The following TENM3 variants were observed in gnomAD, a reference collection of about 807,000 sequenced individuals.
TENM3 encodes the protein teneurin-3.
TENM3 carries 63 observed loss-of-function variants against 255.1 expected under a neutral mutation model. That is an observed-to-expected ratio of 0.25 (90% CI 0.20 to 0.30). The LOEUF is 0.30. Ranked by LOEUF, TENM3 falls within the 10% of genes least tolerant of loss-of-function variation. TENM3 has a pLI of 1.00. For synonymous variants in TENM3, 1,306 were observed against 1,322.3 expected (o/e 0.99, Z 0.27); for missense variants, 2,929 against 3,461.1 (o/e 0.85, Z 3.86).
chr4:181,672,784 A>G, the TENM3 span, among the ~76,000 whole-genome samples: 3 of 152,148 alleles, frequency 2.0e-5, no homozygotes, highest in African/African-American at 7.2e-5. Context: ...AGTATAATCA[A>G]TCTTCAAAAT....
At chr4:182,161,690 A>AAT (rs1466127382) in intron 1 of TENM3, among the ~76,000 whole-genome samples, 4 of 103,614 alleles carry the variant, frequency 3.9e-5, no homozygotes, top group East Asian at 5.1e-4. Flanking sequence ...TATATACACA[A>AAT]ATATATATGT....
chr4:182,737,330 C>T (rs1202348155), intron 17 of TENM3, among the ~76,000 whole-genome samples: 1 of 152,174 alleles, frequency 6.6e-6, no homozygotes, highest in Non-Finnish European at 1.5e-5. Flanking sequence ...GAGGTTTCAG[C>T]TTGTCACATC....
chr4:182,774,846 ATCTC>A, intron 23 of TENM3, 68 bp from the exon 24 acceptor site: 2 of 1,095,406 alleles, frequency 1.8e-6, no homozygotes, highest in Non-Finnish European at 2.7e-6. Context: ...TTTAGAACCT[ATCTC>A]ACGGCACAAC....
intron 3 of TENM3, among the ~76,000 whole-genome samples, chr4:182,420,297 G>A (rs139058250): frequency 6.6e-6 from 1 of 152,102 alleles, no homozygotes; most frequent in African/African-American, 2.4e-5. Context: ...GCCATGAAAT[G>A]AATTAATACT....
the TENM3 span, among the ~76,000 whole-genome samples, chr4:182,100,698 CATATATATACACACAT>C: frequency 0.022 from 1,359 of 62,784 alleles, 138 homozygotes; most frequent in East Asian, 0.18. Flanking sequence ...TATATACACA[CATATATATACACACAT>C]ATATATACAC....
At chr4:181,600,565 G>T in the TENM3 span, among the ~76,000 whole-genome samples, 1 of 151,810 alleles carries the variant, frequency 6.6e-6, no homozygotes, top group African/African-American at 2.4e-5. Flanking sequence ...TTTTCACATA[G>T]TCCTAAGTAC....
chr4:182,070,326 A>T, the TENM3 span, among the ~76,000 whole-genome samples: 1 of 152,240 alleles, frequency 6.6e-6, no homozygotes, highest in African/African-American at 2.4e-5. Context: ...AGATTTAAGA[A>T]TACACATATA....
the TENM3 span, among the ~76,000 whole-genome samples, chr4:181,503,592 A>G: frequency 6.6e-6 from 1 of 152,144 alleles, no homozygotes; most frequent in Non-Finnish European, 1.5e-5. Flanking sequence ...TCCCATTTCC[A>G]TAAACTATTC....
the TENM3 span, among the ~76,000 whole-genome samples, chr4:181,903,592 A>G: frequency 2.0e-5 from 3 of 152,338 alleles, no homozygotes; most frequent in East Asian, 3.9e-4. Flanking sequence ...ACTTTGGGTA[A>G]TTAACCTCCC....
chr4:182,331,462 C>T (rs1763751949), intron 2 of TENM3, among the ~76,000 whole-genome samples: 1 of 152,118 alleles, frequency 6.6e-6, no homozygotes, highest in Non-Finnish European at 1.5e-5. Flanking sequence ...ACAAGAAGCG[C>T]TTGAACCCTT....
At position 182,561,981 on chromosome 4, in the gene TENM3, TAGAC is replaced by T. The variant is rs1288598581; in HGVS notation, c.512-38939_512-38936del. On this transcript the variant is annotated intron_variant, in intron 3 of 27. Transcript: ENST00000511685. Reference sequence around the variant, plus strand: ...TACTGTGTATATCCAGATAGATAGATAGACAGATAGATAGATAGATAGATAGATA... The same window carrying T: ...TACTGTGTATATCCAGATAGATAGATAGATAGATAGATAGATAGATAGATA... 5.5e-4 allele frequency among the ~76,000 whole-genome samples: 71 copies of T among 128,338 alleles called. 1 individual carries two copies. The East Asian group carries it at 0.01, about 19-fold the overall frequency. 84.2% of individuals were successfully genotyped at this position (128,338 alleles called of 152,430 possible).
chr4:182,616,446 G>T (rs915315766), intron 4 of TENM3, among the ~76,000 whole-genome samples: 1 of 146,638 alleles, frequency 6.8e-6, no homozygotes, highest in African/African-American at 2.5e-5. Context: ...TGGGTGCAGC[G>T]CACCAGCATG....
the TENM3 span, among the ~76,000 whole-genome samples, chr4:181,649,208 G>C: frequency 6.6e-6 from 1 of 152,138 alleles, no homozygotes; most frequent in African/African-American, 2.4e-5. Context: ...ACTGCTGCAT[G>C]AAAATAGTTT....
At chr4:181,972,540 G>A in the TENM3 span, among the ~76,000 whole-genome samples, 2 of 151,502 alleles carry the variant, frequency 1.3e-5, no homozygotes, top group Non-Finnish European at 2.9e-5. Flanking sequence ...TCCCCAGAAA[G>A]ATCCTAAAGA....
At chr4:181,640,946 C>T in the TENM3 span, among the ~76,000 whole-genome samples, 7 of 152,134 alleles carry the variant, frequency 4.6e-5, no homozygotes, top group South Asian at 1.5e-3. Flanking sequence ...TAGTATCAAG[C>T]TACTTCTTTT....
the TENM3 span, among the ~76,000 whole-genome samples, chr4:181,929,599 C>T: frequency 2.0e-5 from 3 of 152,128 alleles, no homozygotes; most frequent in Admixed American, 6.5e-5. Flanking sequence ...TTTAACACCC[C>T]ACTGTCAATA....
chr4:181,660,463 A>G, the TENM3 span, among the ~76,000 whole-genome samples: 1 of 152,166 alleles, frequency 6.6e-6, no homozygotes, highest in South Asian at 2.1e-4. Flanking sequence ...GAGAAAATTG[A>G]GGCAAAGTTT....
At chr4:182,419,001 T>A (rs1770594752) in intron 3 of TENM3, among the ~76,000 whole-genome samples, 3 of 152,160 alleles carry the variant, frequency 2.0e-5, no homozygotes, top group Admixed American at 6.5e-5. Flanking sequence ...AAACAGAAGA[T>A]GATAAAAATG....
intron 1 of TENM3, among the ~76,000 whole-genome samples, chr4:182,256,592 G>A (rs1173422030): frequency 6.6e-6 from 1 of 152,096 alleles, no homozygotes; most frequent in Admixed American, 6.5e-5. Flanking sequence ...TTCAGGAGTT[G>A]GTCAAGTCAT....
Sources: gnomAD v4.1 joint callset for allele counts (sites outside exome capture counted in the v4.1 genomes callset) on GRCh38, gnomAD v4.1.1 for gene constraint, MANE v1.5 for transcripts, NCBI Gene and HGNC (gene_info 2026-07-23, HGNC 2026-07-21) for gene names.